BRWD3: variants seen among roughly 807,000 people sequenced by gnomAD.
BRWD3 encodes bromodomain and WD repeat domain containing 3, also known as bromodomain and WD repeat-containing protein 3.
BRWD3 carries 10 observed loss-of-function variants against 149.7 expected under a neutral mutation model. The ratio of observed to expected loss-of-function variants is 0.07; its 90% CI spans 0.04 to 0.11. The LOEUF (loss-of-function observed/expected upper bound fraction) is 0.11. Among genes scored for constraint, BRWD3 ranks in the 10% least tolerant of loss-of-function variants. BRWD3 has a pLI of 1.00. For synonymous variants in BRWD3, 504 were observed against 456.7 expected (o/e 1.10, Z -1.32); for missense variants, 940 against 1,373.2 (o/e 0.68, Z 4.99).
Position 80,677,281 on chromosome X carries a change from T to C in BRWD3, c.4737A>G (p.Ser1579=). 2.5e-6 allele frequency: 3 copies of C among 1,210,601 alleles called. No individual in the cohort carries two copies. Among genetic ancestry groups the C allele is most frequent in the Non-Finnish European group, 3.4e-6 (3 of 895,128 alleles). Reference sequence around the variant, plus strand: ...CTCCTCCCATGTTTTCATCTTCTTCTGATGCACTAAGTAGTTTTCTCTTGA... The same window carrying C: ...CTCCTCCCATGTTTTCATCTTCTTCCGATGCACTAAGTAGTTTTCTCTTGA... ...TGIKRKLLSA[S]EEDENMGGED... is the part of the protein sequence containing the mutation. Residue 1579 remains serine, a synonymous_variant, in exon 41 of 41, where the codon TCA becomes TCG. Coordinates refer to ENST00000373275, the MANE Select transcript of BRWD3 (RefSeq NM_153252.5).
chrX:80,677,007 C>G lies in BRWD3; in HGVS notation c.5011G>C (p.Gly1671Arg), dbSNP rs2072373303. The G allele has an allele frequency of 8.3e-7, 1 of 1,208,826 alleles. No homozygotes were observed. Among genetic ancestry groups the G allele is most frequent in the African/African-American group, 1.8e-5 (1 of 56,891 alleles). Residue 1671 changes from glycine to arginine, a missense_variant, in exon 41 of 41, where the codon GGA (glycine) becomes CGA (arginine). Physicochemically the swap from Gly to Arg is moderately radical, Grantham distance 125. Around this residue, in one of 6 missense-constraint regions of BRWD3, gnomAD observed 349 missense variants for 419.6 expected, o/e 0.83. Transcript: ENST00000373275. ...GKRNWKTRGT[G>R]GRGRWGRWGR... ...CATCTTCCCCATCTGCCTCTTCCTC[C>G]TGTGCCTCTGGTCTTCCAATTTCTT...
chrX:80,676,303 A>G lies in BRWD3; in HGVS notation c.*306T>C. 9.6e-6 allele frequency: 3 copies of G among 311,134 alleles called. No individual in the cohort carries two copies. Among genetic ancestry groups the G allele is most frequent in the Non-Finnish European group, 1.7e-5 (3 of 178,597 alleles). 25.6% of individuals were successfully genotyped at this position (311,134 alleles called of 1,213,427 possible). ...AAGAAGCTGAATGCTCCTTTAATGT[A>G]GTAAATCTGTAGTGTCTGTGTTGTG... On this transcript the variant is annotated 3_prime_UTR_variant, in exon 41 of 41. Transcript: ENST00000373275.
At chrX:80,747,014 A>G (rs2073602639) in intron 6 of BRWD3, 2 of 141,077 alleles carry the variant, frequency 1.4e-5, no homozygotes, top group Non-Finnish European at 2.5e-5. Flanking sequence ...GAGGAACTGC[A>G]TAAGCATCAG....
chrX:80,738,973 T>C (rs2073445903), intron 8 of BRWD3, among the ~76,000 whole-genome samples: 1 of 111,915 alleles, frequency 8.9e-6, no homozygotes, highest in South Asian at 3.8e-4. Context: ...CTACTGATGG[T>C]CCTGAGCACC....
intron 22 of BRWD3, among the ~76,000 whole-genome samples, chrX:80,705,960 A>G (rs1004698158): frequency 8.9e-6 from 1 of 112,253 alleles, no homozygotes; most frequent in Non-Finnish European, 1.9e-5. Flanking sequence ...CTTAGGTTAC[A>G]CTGAATTTAT....
chrX:80,768,121 G>T (rs1017593971), intron 6 of BRWD3, among the ~76,000 whole-genome samples: 1 of 112,031 alleles, frequency 8.9e-6, no homozygotes, highest in East Asian at 2.8e-4. Context: ...ACCTGAAAGT[G>T]ACAGGGAGAA....
chrX:80,693,561 T>G (rs1350363990), intron 27 of BRWD3, among the ~76,000 whole-genome samples: 2 of 111,797 alleles, frequency 1.8e-5, no homozygotes, highest in African/African-American at 6.5e-5. Flanking sequence ...TAGGCTGAGG[T>G]GGTCTCAGAT....
chrX:80,715,178 T>TA (rs1450897685), intron 20 of BRWD3, among the ~76,000 whole-genome samples: 1 of 105,295 alleles, frequency 9.5e-6, no homozygotes, highest in African/African-American at 3.5e-5. Context: ...GAAACATGAA[T>TA]AAAAATCAGT....
intron 4 of BRWD3, among the ~76,000 whole-genome samples, chrX:80,802,455 A>AT (rs1172136190): frequency 2.8e-5 from 3 of 106,938 alleles, no homozygotes; most frequent in African/African-American, 1.0e-4. Flanking sequence ...AAAAAAAAAA[A>AT]AAAAAAAAAA....
intron 6 of BRWD3, among the ~76,000 whole-genome samples, chrX:80,749,904 AG>A (rs1273693949): frequency 9.0e-6 from 1 of 111,678 alleles, no homozygotes; most frequent in Non-Finnish European, 1.9e-5. Context: ...ACATCAACCA[AG>A]GGAACAGGAT....
chrX:80,746,512 A>C (rs183517513), intron 6 of BRWD3, among the ~76,000 whole-genome samples: 1 of 111,238 alleles, frequency 9.0e-6, no homozygotes, highest in Admixed American at 9.6e-5. Flanking sequence ...CTAAAAAACA[A>C]ATCTTGATCT....
chrX:80,733,806 T>C (rs1198860502), intron 11 of BRWD3, among the ~76,000 whole-genome samples: 1 of 111,478 alleles, frequency 9.0e-6, no homozygotes, highest in Non-Finnish European at 1.9e-5. Context: ...ATAGTTAATT[T>C]AATAGTAGTT....
At chrX:80,699,648 A>G (rs929999335) in intron 25 of BRWD3, among the ~76,000 whole-genome samples, 2 of 111,744 alleles carry the variant, frequency 1.8e-5, no homozygotes, top group Non-Finnish European at 3.8e-5. Context: ...TAGTCTACAC[A>G]CTCAGCTTAT....
chrX:80,685,425 ACAAT>A, intron 36 of BRWD3, 33 bp downstream of exon 36: 2 of 1,123,153 alleles, frequency 1.8e-6, no homozygotes, highest in South Asian at 3.7e-5. Flanking sequence ...GAAAGTAAAA[ACAAT>A]CAATATGTCT....
At chrX:80,755,353 A>G (rs187659468) in intron 6 of BRWD3, among the ~76,000 whole-genome samples, 1 of 112,202 alleles carries the variant, frequency 8.9e-6, no homozygotes, top group East Asian at 2.8e-4. Context: ...ATAAGGTGCA[A>G]TATAGGAAAT....
chrX:80,753,979 G>C (rs1280162906), intron 6 of BRWD3, among the ~76,000 whole-genome samples: 1 of 111,652 alleles, frequency 9.0e-6, no homozygotes, highest in Non-Finnish European at 1.9e-5. Flanking sequence ...TGTTCTTTTT[G>C]CTCAGGACTA....
chrX:80,780,358 TAATAA>T (rs1242277376), intron 6 of BRWD3, among the ~76,000 whole-genome samples: 1 of 111,553 alleles, frequency 9.0e-6, no homozygotes, highest in Non-Finnish European at 1.9e-5. Context: ...ATATTTTATA[TAATAA>T]AATAAGCCCT....
rs757676344 is a variant in BRWD3, at chrX:80,734,202, T to G, written c.1002A>C (p.Thr334=). 2.0e-5 allele frequency: 24 copies of G among 1,178,161 alleles called. No individual in the cohort carries two copies. The South Asian group carries it at 4.3e-4, about 21-fold the overall frequency. Residue 334 remains threonine (T), a synonymous_variant, in exon 11 of 41, where the codon ACA becomes ACC. Coordinates refer to ENST00000373275, the MANE Select transcript of BRWD3 (RefSeq NM_153252.5). ...SSFSSGGMFI[T]TGSTDHVIRI... is the part of the protein sequence containing the mutation. ...TAATCACATGGTCAGTACTACCAGT[T>G]GTAATGAACATACCACCTAGAAGAT...
chrX:80,710,219 C>T (rs1415579395), intron 20 of BRWD3: 4 of 429,743 alleles, frequency 9.3e-6, no homozygotes, highest in Non-Finnish European at 1.7e-5. Flanking sequence ...ATCTGATAGA[C>T]CACTTCCTGT....
Sources: allele counts gnomAD v4.1 joint callset (sites outside exome capture counted in the v4.1 genomes callset), GRCh38; gene constraint gnomAD v4.1.1; regional missense constraint gnomAD v4.1.1; transcripts MANE v1.5; gene names NCBI Gene and HGNC (gene_info 2026-07-23, HGNC 2026-07-21).